P4HB: variants seen among roughly 807,000 people sequenced by gnomAD.
P4HB encodes protein disulfide-isomerase.
Under a neutral mutation model 52.6 loss-of-function variants are expected in P4HB, and 20 were observed. That is an observed-to-expected ratio of 0.38 (90% CI 0.27 to 0.55). The LOEUF (loss-of-function observed/expected upper bound fraction) is 0.55, where lower values mean the gene tolerates loss of function less well. P4HB is among the 20% of genes least tolerant of loss of function. The pLI, the probability that P4HB is intolerant of heterozygous loss-of-function variation, is 0.74. For missense variants in P4HB, 601 were observed against 669.2 expected, an observed-to-expected ratio of 0.90 and a Z score of 1.12; for synonymous variants, 296 against 277.9, an observed-to-expected ratio of 1.07 and a Z score of -0.65.
At position 81,846,054 on chromosome 17, in the gene P4HB, C is replaced by G; in HGVS notation, c.1057-63G>C. On this transcript the variant is annotated intron_variant, in intron 7 of 10. Coordinates refer to ENST00000331483, the MANE Select transcript of P4HB (RefSeq NM_000918.4). The surrounding 1 kb of genome is among the most constrained non-coding windows in gnomAD (Gnocchi z 5.7). The stretch of plus-strand genomic sequence containing the variant: ...CCTGGGGGACCACAGAGCTCCCCAA[C>G]CCTCACCCTGCCCGGGACTGAGGTG... The G allele has an allele frequency of 3.3e-6, 5 of 1,508,762 alleles. No homozygotes were observed. Among genetic ancestry groups the G allele is most frequent in the Middle Eastern group, 2.1e-4 (1 of 4,688 alleles). 93.5% of individuals were successfully genotyped at this position (1,508,762 alleles called of 1,614,324 possible).
At chr17:81,856,179 T>C (rs975882856) in intron 2 of P4HB, among the ~76,000 whole-genome samples, 4 of 151,944 alleles carry the variant, frequency 2.6e-5, no homozygotes, top group Admixed American at 1.3e-4. Flanking sequence ...CTTTTTTTTT[T>C]CTTGGAAGAC....
chr17:81,859,197 G>A lies in P4HB; in HGVS notation c.336C>T (p.Ser112=), dbSNP rs770363965. 6.2e-7 allele frequency: 1 copy of A among 1,613,902 alleles called. No homozygotes were observed. Among genetic ancestry groups the A allele is most frequent in the Non-Finnish European group, 8.5e-7 (1 of 1,179,972 alleles). Residue 112 remains serine (S), a synonymous_variant, in exon 2 of 11, where the codon TCC becomes TCT. Coordinates refer to ENST00000331483, the MANE Select transcript of P4HB (RefSeq NM_000918.4). ...IKFFRNGDTA[S]PKEYTAGREA... is the part of the protein sequence containing the mutation. ...CAGCCACACCTGTATATTCCTTGGG[G>A]GAAGCCGTGTCTCCATTCCTGAAGA...
chr17:81,847,171 G>A (rs2038748568), intron 5 of P4HB, 72 bp downstream of exon 5: 5 of 1,598,444 alleles, frequency 3.1e-6, no homozygotes, highest in Non-Finnish European at 4.3e-6. Context: ...CAGCAGTGGT[G>A]ACCGGGAGCC....
chr17:81,855,232 G>T lies in P4HB; in HGVS notation c.534C>A (p.Ala178=), dbSNP rs769677175. ...TGATCCCAAATGGTATGTCATCGAT[G>T]GCCTCTGCTGCCTGCAAAAACTGCT... ...SAKQFLQAAE[A]IDDIPFGITS... Residue 178 remains alanine, a synonymous_variant, in exon 4 of 11, where the codon GCC becomes GCA. Coordinates refer to ENST00000331483, the MANE Select transcript of P4HB (RefSeq NM_000918.4). This position sits in a 1 kb window ranked among gnomAD's most constrained non-coding sequence, Gnocchi z 4.3. 1 of 1,613,900 alleles carries T rather than the reference G, an allele frequency of 6.2e-7. No individual in the cohort carries two copies. Among genetic ancestry groups the T allele is most frequent in the South Asian group, 1.1e-5 (1 of 91,072 alleles).
rs755960544 is a variant in P4HB, at chr17:81,845,578, C to A, written c.1342G>T (p.Ala448Ser). 6.2e-7 allele frequency: 1 copy of A among 1,604,336 alleles called. No homozygotes were observed. The highest frequency in any genetic ancestry group is 8.5e-7 in the Non-Finnish European group (1 of 1,172,834). Reference sequence around the variant, plus strand: ...AGGCGCACCGTCCTGTCGGCACTGGCAGGAAAGAACTTGAGTGTGGGGAAG... The same window carrying A: ...AGGCGCACCGTCCTGTCGGCACTGGAAGGAAAGAACTTGAGTGTGGGGAAG... ...HSFPTLKFFP[A>S]SADRTVIDYN... The change falls in exon 9 of 11, where the codon GCC (alanine) becomes TCC (serine). Residue 448 changes from alanine (A) to serine (S), a missense_variant. Transcript: ENST00000331483.
intron 4 of P4HB, among the ~76,000 whole-genome samples, chr17:81,852,850 CTG>C (rs1263061397): frequency 6.6e-6 from 1 of 152,238 alleles, no homozygotes; most frequent in Non-Finnish European, 1.5e-5. Context: ...GAGCTGTGGG[CTG>C]TGTGACAACA....
rs536396561 is a variant in P4HB at position 81,843,842 on chromosome 17, G to C, written c.*170C>G. ...CAAAAACCGAAAAGCAGAAGGAAGA[G>C]ACGGGGGTGAACGGACGGTGTGTAG... On this transcript the variant is annotated 3_prime_UTR_variant, in exon 11 of 11. Transcript: ENST00000331483. 2 of 644,124 alleles carry C rather than the reference G, an allele frequency of 3.1e-6. No homozygotes were observed. Among genetic ancestry groups the C allele is most frequent in the East Asian group, 5.1e-5 (2 of 39,304 alleles). 39.9% of individuals were successfully genotyped at this position (644,124 alleles called of 1,614,324 possible).
At chr17:81,859,433 G>A (rs377272015) in intron 1 of P4HB, 46 bp from the exon 2 acceptor site, 4 of 1,545,020 alleles carry the variant, frequency 2.6e-6, no homozygotes, top group Admixed American at 1.7e-5. Context: ...GATCCCTAAA[G>A]CAGCCTTGAT....
At chr17:81,845,523 C>A (rs756085764) in intron 9 of P4HB, 38 bp downstream of exon 9, 1 of 1,540,922 alleles carries the variant, frequency 6.5e-7, no homozygotes. Context: ...CTGCTCTTCC[C>A]AGAGCCCGCC....
At chr17:81,853,884 T>G (rs1378884619) in intron 4 of P4HB, among the ~76,000 whole-genome samples, 1 of 152,146 alleles carries the variant, frequency 6.6e-6, no homozygotes, top group South Asian at 2.1e-4. Flanking sequence ...AGAGCACAAG[T>G]GTGCGGCCCC....
Position 81,846,827 on chromosome 17 carries a change from G to T in P4HB, c.855+120C>A. On this transcript the variant is annotated intron_variant, in intron 6 of 10. Coordinates refer to ENST00000331483, the MANE Select transcript of P4HB (RefSeq NM_000918.4). This position sits in a 1 kb window ranked among gnomAD's most constrained non-coding sequence, Gnocchi z 5.7. The stretch of plus-strand genomic sequence containing the variant: ...CCCTCGCCTACATCCAGGCTGTCCT[G>T]AATCAGGTGCCCGATCCAGTCCAGC... 1 of 1,365,602 alleles carries T rather than the reference G, an allele frequency of 7.3e-7. No individual in the cohort carries two copies. The highest frequency in any genetic ancestry group is 1.0e-6 in the Non-Finnish European group (1 of 978,790). 84.6% of individuals were successfully genotyped at this position (1,365,602 alleles called of 1,614,324 possible).
rs1305896534 is a variant in P4HB at position 81,845,182 on chromosome 17, G to C, written c.1408C>G (p.Leu470Val). The C allele has an allele frequency of 1.9e-6, 3 of 1,613,874 alleles. No individual in the cohort carries two copies. Among genetic ancestry groups the C allele is most frequent in the Non-Finnish European group, 2.5e-6 (3 of 1,179,928 alleles). The change falls in exon 10 of 11, where the codon CTG (leucine) becomes GTG (valine). Residue 470 changes from leucine to valine, a missense_variant. Coordinates refer to ENST00000331483, the MANE Select transcript of P4HB (RefSeq NM_000918.4). ...ERTLDGFKKF[L>V]ESGGQDGAGD... ...GCCCCATCCTGGCCACCGCTCTCCA[G>C]GAATTTCTTAAAACCATCCAGCGTG... is the stretch of plus-strand genomic sequence containing the variant.
rs563840788 is a variant in P4HB, at chr17:81,860,184, C to T, written c.145+143G>A. ...CACCCCCAGGGAGCCCCTGACATGG[C>T]CCCCAAGGCGGGCAGCAAGGGAGCC... On this transcript the variant is annotated intron_variant, in intron 1 of 10. Coordinates refer to ENST00000331483, the MANE Select transcript of P4HB (RefSeq NM_000918.4). 4,072 of 666,190 alleles carry T rather than the reference C, an allele frequency of 6.1e-3. 37 individuals carry two copies. Among genetic ancestry groups the T allele is most frequent in the Middle Eastern group, 6.9e-3 (15 of 2,170 alleles). 41.3% of individuals were successfully genotyped at this position (666,190 alleles called of 1,614,324 possible).
At chr17:81,854,877 T>C (rs1159567417) in intron 4 of P4HB, among the ~76,000 whole-genome samples, 2 of 145,938 alleles carry the variant, frequency 1.4e-5, no homozygotes, top group Non-Finnish European at 1.5e-5. Flanking sequence ...ACATGTTTTA[T>C]CATAATTGAA....
chr17:81,850,589 T>C (rs1202533855), intron 4 of P4HB, among the ~76,000 whole-genome samples: 1 of 152,106 alleles, frequency 6.6e-6, no homozygotes, highest in African/African-American at 2.4e-5. Context: ...GTTCAAGTAA[T>C]TCTCCTGCCT....
In P4HB at chr17:81,843,337, A is replaced by G; in HGVS notation, c.*675T>C. The G allele has an allele frequency of 2.5e-6, 1 of 396,316 alleles. No homozygotes were observed. Among genetic ancestry groups the G allele is most frequent in the Non-Finnish European group, 4.4e-6 (1 of 225,192 alleles). 24.5% of individuals were successfully genotyped at this position (396,316 alleles called of 1,614,324 possible). A position where few individuals can be genotyped will look rare whatever the true frequency, so the allele number is the denominator to read the frequency against. On this transcript the variant is annotated 3_prime_UTR_variant, in exon 11 of 11. Transcript: ENST00000331483. ...CCACAGGCCGTGCTGTAGAGAGGCC[A>G]GTGGTCACAATGAGCCCACGACAGG...
chr17:81,848,991 A>G (rs1476901193), intron 4 of P4HB, among the ~76,000 whole-genome samples: 1 of 151,728 alleles, frequency 6.6e-6, no homozygotes, highest in Non-Finnish European at 1.5e-5. Context: ...GGTTGCAGTG[A>G]GCCAAGATCG....
Position 81,845,887 on chromosome 17 carries a change from G to T in P4HB, c.1161C>A (p.Asn387Lys). ...FEDVAFDEKKNVFVEFYAPWC... is the reference protein window; with the variant it reads ...FEDVAFDEKKKVFVEFYAPWC... The stretch of plus-strand genomic sequence containing the variant: ...AACACTTACAGAACTCCACAAAGAC[G>T]TTTTTTTTCTCATCAAAAGCCACGT... Residue 387 changes from asparagine (N) to lysine (K), a missense_variant, in exon 8 of 11, where the codon AAC (asparagine) becomes AAA (lysine). By Grantham distance (94) the Asn-to-Lys change is moderately conservative. Transcript: ENST00000331483. The T allele has an allele frequency of 1.9e-6, 3 of 1,613,728 alleles. No homozygotes were observed. The highest frequency in any genetic ancestry group is 2.5e-6 in the Non-Finnish European group (3 of 1,179,924).
Position 81,846,678 on chromosome 17 carries a change from G to A in P4HB, c.856-49C>T, listed in dbSNP as rs1338359478. 2 of 1,558,266 alleles carry A rather than the reference G, an allele frequency of 1.3e-6. No homozygotes were observed. Among genetic ancestry groups the A allele is most frequent in the Admixed American group, 1.7e-5 (1 of 58,950 alleles). ...CAGGTGCGGGAGACGGCTGGCCTCT[G>A]CCTCCAGCCCTGACTTTGCTCGGAA... On this transcript the variant is annotated intron_variant, in intron 6 of 10. Transcript: ENST00000331483. This position sits in a 1 kb window ranked among gnomAD's most constrained non-coding sequence, Gnocchi z 5.7.
Sources: gnomAD v4.1 joint callset for allele counts (sites outside exome capture counted in the v4.1 genomes callset) on GRCh38, gnomAD v4.1.1 for gene constraint, Gnocchi (gnomAD v3.1) non-coding constraint, MANE v1.5 for transcripts, NCBI Gene and HGNC (gene_info 2026-07-23, HGNC 2026-07-21) for gene names.